The following PXDNL variants were observed in gnomAD, a reference collection of about 807,000 sequenced individuals.
The protein encoded by PXDNL is probable oxidoreductase PXDNL.
A neutral mutation model predicts 150.8 loss-of-function variants in PXDNL; 145 were observed. That is an observed-to-expected ratio of 0.96 (90% confidence interval 0.84 to 1.10). The LOEUF (loss-of-function observed/expected upper bound fraction) is 1.10, where lower values mean the gene tolerates loss of function less well. Among genes scored for constraint, PXDNL ranks in the 50% least tolerant of loss-of-function variants. PXDNL has a pLI of 0.00. For missense variants in PXDNL, 2,087 were observed against 1,873.9 expected (o/e 1.11, Z -2.10); for synonymous variants, 757 against 725.7 (o/e 1.04, Z -0.69).
chr8:51,710,075 T>A (rs961240918), intron 1 of PXDNL, among the ~76,000 whole-genome samples: 3 of 152,192 alleles, frequency 2.0e-5, no homozygotes, highest in Non-Finnish European at 4.4e-5. Context: ...AAAAAAGAGA[T>A]AAAAATATTT....
At chr8:51,561,914 T>A (rs1224227564) in intron 3 of PXDNL, among the ~76,000 whole-genome samples, 2 of 151,908 alleles carry the variant, frequency 1.3e-5, no homozygotes, top group Non-Finnish European at 2.9e-5. Flanking sequence ...TAAACCGACA[T>A]AAAATCATCT....
chr8:51,761,295 T>G (rs868518303), intron 1 of PXDNL, among the ~76,000 whole-genome samples: 2 of 152,082 alleles, frequency 1.3e-5, no homozygotes, highest in Non-Finnish European at 2.9e-5. Flanking sequence ...TGAAGAACAT[T>G]TCCTAGAAGC....
rs142104489 is a variant in PXDNL, at chr8:51,576,949, T to C, written c.308+15678A>G. Among the ~76,000 whole-genome samples, 172 of 152,036 alleles carry C rather than the reference T, an allele frequency of 1.1e-3. 2 individuals carry two copies. In the East Asian group the frequency reaches 0.024, roughly 21 times the overall value. On this transcript the variant is annotated intron_variant, in intron 3 of 22. Coordinates refer to ENST00000356297, the MANE Select transcript of PXDNL (RefSeq NM_144651.5). ...GCACAAACTATCAGTTCACTCAGTGTGAAAGAGATAATGTGAATAGTGCTA... is the reference window on the plus strand; with the variant it reads ...GCACAAACTATCAGTTCACTCAGTGCGAAAGAGATAATGTGAATAGTGCTA...
chr8:51,568,071 C>A (rs1050258872), intron 3 of PXDNL, among the ~76,000 whole-genome samples: 2 of 151,614 alleles, frequency 1.3e-5, no homozygotes, highest in African/African-American at 4.8e-5. Context: ...AACAATTATT[C>A]CTGTCATTCC....
At chr8:51,514,517 T>A (rs1585540577) in intron 4 of PXDNL, among the ~76,000 whole-genome samples, 1 of 152,210 alleles carries the variant, frequency 6.6e-6, no homozygotes, top group African/African-American at 2.4e-5. Flanking sequence ...AATTCAAATG[T>A]TTATGATATA....
Position 51,737,928 on chromosome 8 carries a change from C to T in PXDNL, c.164+71253G>A, listed in dbSNP as rs1173819815. ...TGATTGACATGGTATGGCCACCTGC[C>T]CACCCAGGGGCCCCACCTCTCAGTC... On this transcript the variant is annotated intron_variant, in intron 1 of 22. Transcript: ENST00000356297. Among the ~76,000 whole-genome samples the T allele has an allele frequency of 2.0e-5, 3 of 152,172 alleles. No individual in the cohort carries two copies. In the East Asian group the frequency reaches 5.8e-4, roughly 29 times the overall value.
At chr8:51,772,817 C>T (rs1489415315) in intron 1 of PXDNL, among the ~76,000 whole-genome samples, 1 of 152,122 alleles carries the variant, frequency 6.6e-6, no homozygotes, top group Non-Finnish European at 1.5e-5. Flanking sequence ...ACCAGGGAAC[C>T]AACTACAGGG....
At chr8:51,793,881 ACT>A (rs770869720) in intron 1 of PXDNL, among the ~76,000 whole-genome samples, 1 of 151,966 alleles carries the variant, frequency 6.6e-6, no homozygotes, top group African/African-American at 2.4e-5. Flanking sequence ...ACAGAGCAAG[ACT>A]CTGTCAACAA....
chr8:51,499,351 G>A (rs114130284), intron 5 of PXDNL, among the ~76,000 whole-genome samples: 393 of 152,134 alleles, frequency 2.6e-3, no homozygotes, highest in African/African-American at 9.3e-3. Context: ...AGCTGGTATC[G>A]AACTCCTGAA....
At chr8:51,391,137 G>C (rs1807893843) in intron 17 of PXDNL, among the ~76,000 whole-genome samples, 1 of 151,928 alleles carries the variant, frequency 6.6e-6, no homozygotes, top group Non-Finnish European at 1.5e-5. Flanking sequence ...TCTTAATCCA[G>C]TCTATGTTGG....
At chr8:51,769,539 C>T (rs760039405) in intron 1 of PXDNL, among the ~76,000 whole-genome samples, 1 of 152,142 alleles carries the variant, frequency 6.6e-6, no homozygotes, top group East Asian at 1.9e-4. Context: ...AACTATTAGC[C>T]CCAGTTTCTG....
chr8:51,705,482 G>A (rs1041656001), intron 1 of PXDNL, among the ~76,000 whole-genome samples: 2 of 152,150 alleles, frequency 1.3e-5, no homozygotes, highest in Non-Finnish European at 2.9e-5. Flanking sequence ...GAAGCTCATG[G>A]TCATCTAAAC....
rs116013386 is a variant in PXDNL, at chr8:51,730,096, G to C, written c.165-75336C>G. Among the ~76,000 whole-genome samples, 601 of 152,304 alleles carry C rather than the reference G, an allele frequency of 3.9e-3. 6 individuals are homozygous for C. Among genetic ancestry groups the C allele is most frequent in the African/African-American group, 0.014 (579 of 41,570 alleles). On this transcript the variant is annotated intron_variant, in intron 1 of 22. Coordinates refer to ENST00000356297, the MANE Select transcript of PXDNL (RefSeq NM_144651.5). ...TCAAAACCCCTAGAGTGTACACCAA[G>C]AGTGAACCCAAGTGATAACTATGAA...
At chr8:51,387,121 C>G (rs1019959578) in intron 17 of PXDNL, among the ~76,000 whole-genome samples, 1 of 152,192 alleles carries the variant, frequency 6.6e-6, no homozygotes, top group South Asian at 2.1e-4. Flanking sequence ...AAGACCTCCT[C>G]AACTGTCCAC....
At chr8:51,599,059 T>G (rs776213753) in intron 2 of PXDNL, among the ~76,000 whole-genome samples, 1 of 152,288 alleles carries the variant, frequency 6.6e-6, no homozygotes, top group East Asian at 1.9e-4. Context: ...ATCTTTTGTA[T>G]ATCTGTAGGA....
chr8:51,709,421 A>T (rs879817890), intron 1 of PXDNL, among the ~76,000 whole-genome samples: 2 of 151,704 alleles, frequency 1.3e-5, no homozygotes, highest in African/African-American at 2.4e-5. Context: ...CGCCCGGCTA[A>T]TTTTTTTTAT....
intron 1 of PXDNL, among the ~76,000 whole-genome samples, chr8:51,715,448 G>A (rs1203126497): frequency 7.2e-5 from 11 of 152,120 alleles, no homozygotes; most frequent in Non-Finnish European, 1.5e-5. Context: ...AAGCAGTAGA[G>A]AAGAATGAAA....
intron 20 of PXDNL, among the ~76,000 whole-genome samples, chr8:51,341,303 A>G (rs928114528): frequency 2.0e-5 from 3 of 152,220 alleles, no homozygotes; most frequent in African/African-American, 7.2e-5. Flanking sequence ...ACAAAAACAC[A>G]CATATTTAAT....
intron 2 of PXDNL, among the ~76,000 whole-genome samples, chr8:51,598,147 A>T (rs926845934): frequency 1.6e-4 from 24 of 152,230 alleles, no homozygotes; most frequent in African/African-American, 5.5e-4. Flanking sequence ...TGGAATTTTT[A>T]GAATTTTAAG....
Sources: gnomAD v4.1 joint callset for allele counts (sites outside exome capture counted in the v4.1 genomes callset) on GRCh38, gnomAD v4.1.1 for gene constraint, MANE v1.5 for transcripts, NCBI Gene and HGNC (gene_info 2026-07-23, HGNC 2026-07-21) for gene names.